Variants in PRKN observed in about 807,000 individuals in gnomAD.
PRKN encodes E3 ubiquitin-protein ligase parkin.
In PRKN, 56 loss-of-function variants were observed where a neutral mutation model predicts 59.5. The ratio of observed to expected loss-of-function variants is 0.94; its 90% CI spans 0.76 to 1.18. The LOEUF (loss-of-function observed/expected upper bound fraction) is 1.18, where lower values mean the gene tolerates loss of function less well. PRKN is among the 50% of genes most tolerant of loss of function. PRKN has a pLI of 0.00. For missense variants in PRKN, 657 were observed against 596.4 expected, an observed-to-expected ratio of 1.10 and a Z score of -1.06; for synonymous variants, 250 against 222.1, an observed-to-expected ratio of 1.13 and a Z score of -1.12.
intron 3 of PRKN, among the ~76,000 whole-genome samples, chr6:162,235,350 T>G (rs866214161): frequency 6.6e-6 from 1 of 152,196 alleles, no homozygotes; most frequent in Non-Finnish European, 1.5e-5. Context: ...CTATGTGACT[T>G]GCAGCACTAT....
intron 2 of PRKN, among the ~76,000 whole-genome samples, chr6:162,305,832 T>A (rs1294312003): frequency 6.6e-6 from 1 of 152,152 alleles, no homozygotes; most frequent in East Asian, 1.9e-4. Flanking sequence ...AAACCATATA[T>A]ACATTTATCA....
chr6:161,641,933 T>C (rs142437535), intron 7 of PRKN, among the ~76,000 whole-genome samples: 1 of 152,328 alleles, frequency 6.6e-6, no homozygotes, highest in East Asian at 1.9e-4. Context: ...CCCAACAATG[T>C]TGAAGTTTCT....
At chr6:162,172,664 T>C (rs530000536) in intron 4 of PRKN, among the ~76,000 whole-genome samples, 3 of 152,350 alleles carry the variant, frequency 2.0e-5, no homozygotes, top group South Asian at 2.1e-4. Flanking sequence ...GTAGCTCCTC[T>C]AATTAACAAT....
chr6:162,685,585 T>C (rs1408761980), intron 1 of PRKN, among the ~76,000 whole-genome samples: 2 of 152,128 alleles, frequency 1.3e-5, no homozygotes, highest in Non-Finnish European at 2.9e-5. Context: ...TTTCCTCTGG[T>C]ATAAGCAGGT....
At chr6:161,679,610 C>G (rs1231417868) in intron 7 of PRKN, among the ~76,000 whole-genome samples, 1 of 122,202 alleles carries the variant, frequency 8.2e-6, no homozygotes, top group African/African-American at 3.1e-5. Flanking sequence ...CTAGACAGTA[C>G]AAAAGTACTG....
chr6:161,557,332 A>C (rs759793188), intron 8 of PRKN, among the ~76,000 whole-genome samples: 1 of 152,212 alleles, frequency 6.6e-6, no homozygotes, highest in Non-Finnish European at 1.5e-5. Context: ...GAATTTAAAT[A>C]ATGGGTCATG....
chr6:162,576,729 T>G (rs1384201625), intron 1 of PRKN, among the ~76,000 whole-genome samples: 1 of 149,276 alleles, frequency 6.7e-6, no homozygotes, highest in Non-Finnish European at 1.5e-5. Context: ...GGATAATTAC[T>G]TGAACCCAGA....
intron 4 of PRKN, among the ~76,000 whole-genome samples, chr6:162,096,919 T>G (rs1321954916): frequency 7.7e-6 from 1 of 129,616 alleles, no homozygotes; most frequent in African/African-American, 3.0e-5. Context: ...CAGGCTGGAG[T>G]GCACTGGCAG....
chr6:162,084,424 G>GCAAC (rs985135536), intron 4 of PRKN, among the ~76,000 whole-genome samples: 4 of 152,220 alleles, frequency 2.6e-5, no homozygotes, highest in African/African-American at 9.6e-5. Context: ...CAGGTTGCTG[G>GCAAC]TTTCTTTCAA....
At chr6:162,319,402 C>T (rs1782890743) in intron 2 of PRKN, among the ~76,000 whole-genome samples, 1 of 151,966 alleles carries the variant, frequency 6.6e-6, no homozygotes. Context: ...TCGTCCGTTG[C>T]TGCAGTTGAT....
intron 4 of PRKN, among the ~76,000 whole-genome samples, chr6:162,080,946 A>C (rs185809945): frequency 1.0e-3 from 152 of 152,230 alleles, no homozygotes; most frequent in Non-Finnish European, 1.7e-3. Flanking sequence ...CAGCACTTTC[A>C]TCAGGAGTAG....
intron 8 of PRKN, among the ~76,000 whole-genome samples, chr6:161,555,800 G>GAC (rs1780215719): frequency 2.0e-5 from 3 of 151,708 alleles, no homozygotes; most frequent in African/African-American, 7.3e-5. Context: ...AATAGTTTGT[G>GAC]GACAGTAAAT....
Position 161,419,301 on chromosome 6 carries a change from G to A in PRKN, c.1084-32424C>T, listed in dbSNP as rs1714252875. Among the ~76,000 whole-genome samples the A allele has an allele frequency of 6.6e-6, 1 of 152,146 alleles. No individual in the cohort carries two copies. Among genetic ancestry groups the A allele is most frequent in the Admixed American group, 6.5e-5 (1 of 15,274 alleles). ...TCCCTGCGCCACAGTGGTAGAAAGT[G>A]ACCAACTAGCAGTCAACCAGGAGAT... On this transcript the variant is annotated intron_variant, in intron 9 of 11. Transcript: ENST00000366898. This position sits in a 1 kb window ranked among gnomAD's most constrained non-coding sequence, Gnocchi z 4.1.
intron 1 of PRKN, among the ~76,000 whole-genome samples, chr6:162,567,044 T>C (rs1177734099): frequency 6.6e-6 from 1 of 152,174 alleles, no homozygotes; most frequent in East Asian, 1.9e-4. Flanking sequence ...TGAAAAAGCA[T>C]TTAATAAAAT....
At chr6:162,100,943 T>C (rs1779947065) in intron 4 of PRKN, among the ~76,000 whole-genome samples, 1 of 152,218 alleles carries the variant, frequency 6.6e-6, no homozygotes, top group Admixed American at 6.5e-5. Flanking sequence ...ATTTTCTAAC[T>C]ATTGAGTTTT....
intron 1 of PRKN, among the ~76,000 whole-genome samples, chr6:162,722,843 G>C (rs1778986511): frequency 6.6e-6 from 1 of 152,092 alleles, no homozygotes; most frequent in Non-Finnish European, 1.5e-5. Context: ...AAATTGTAAA[G>C]GGCAAAGGGT....
At chr6:162,213,460 G>C (rs1382620873) in intron 3 of PRKN, among the ~76,000 whole-genome samples, 3 of 152,168 alleles carry the variant, frequency 2.0e-5, no homozygotes, top group African/African-American at 7.2e-5. Context: ...GGGCACAGTG[G>C]CTCATGCCTG....
At chr6:161,891,129 A>G (rs891371765) in intron 6 of PRKN, among the ~76,000 whole-genome samples, 2 of 152,188 alleles carry the variant, frequency 1.3e-5, no homozygotes, top group African/African-American at 4.8e-5. Flanking sequence ...GGAGAGTTTT[A>G]TGGCTGCTCC....
intron 7 of PRKN, among the ~76,000 whole-genome samples, chr6:161,718,406 A>G (rs1787079257): frequency 6.6e-6 from 1 of 152,168 alleles, no homozygotes; most frequent in African/African-American, 2.4e-5. Flanking sequence ...CATGGGTGCT[A>G]CTTCTTTATA....
Sources: gnomAD v4.1 joint callset for allele counts (sites outside exome capture counted in the v4.1 genomes callset) on GRCh38, gnomAD v4.1.1 for gene constraint, Gnocchi (gnomAD v3.1) non-coding constraint, MANE v1.5 for transcripts, NCBI Gene and HGNC (gene_info 2026-07-23, HGNC 2026-07-21) for gene names.